CLDN7: variants seen among roughly 807,000 people sequenced by gnomAD.
The protein encoded by CLDN7 is claudin 7.
In CLDN7, 15 loss-of-function variants were observed where a neutral mutation model predicts 20.3. The observed-to-expected ratio is 0.74, with a 90% CI of 0.49 to 1.14. The LOEUF (loss-of-function observed/expected upper bound fraction) is 1.14. Ranked by LOEUF, CLDN7 falls within the 50% of genes most tolerant of loss-of-function variation. The pLI is 0.00. For synonymous variants in CLDN7, 117 were observed against 106.1 expected (o/e 1.10, Z -0.63); for missense variants, 261 against 274.2 (o/e 0.95, Z 0.34).
In CLDN7 at chr17:7,262,241, T is replaced by C; in HGVS notation, c.-198A>G. On this transcript the variant is annotated 5_prime_UTR_variant, in exon 1 of 4. Coordinates refer to ENST00000360325, the MANE Select transcript of CLDN7 (RefSeq NM_001307.6). This position sits in a 1 kb window ranked among gnomAD's most constrained non-coding sequence, Gnocchi z 6.6. ...CAAATCGACCCCTCCAGTGAAGCGA[T>C]GGCCTCGCGGCACAGGGAGTAGGAT... The C allele has an allele frequency of 7.0e-7, 1 of 1,426,442 alleles. No homozygotes were observed. Among genetic ancestry groups the C allele is most frequent in the Non-Finnish European group, 9.1e-7 (1 of 1,095,040 alleles). 88.4% of individuals were successfully genotyped at this position (1,426,442 alleles called of 1,614,324 possible).
chr17:7,261,153 C>A, intron 1 of CLDN7, 168 bp from the exon 2 acceptor site: 1 of 858,782 alleles, frequency 1.2e-6, no homozygotes, highest in Non-Finnish European at 1.7e-6. Context: ...CGGGCAGGTC[C>A]CCGCCCCTCC....
At chr17:7,261,327 C>T (rs552137057) in intron 1 of CLDN7, among the ~76,000 whole-genome samples, 95 of 152,330 alleles carry the variant, frequency 6.2e-4, no homozygotes, top group African/African-American at 2.2e-3. Flanking sequence ...CACATGCCAG[C>T]CGGCGTCCCT....
In CLDN7 at chr17:7,260,180, C is replaced by A; in HGVS notation, c.*194G>T. On this transcript the variant is annotated 3_prime_UTR_variant, in exon 4 of 4. Coordinates refer to ENST00000360325, the MANE Select transcript of CLDN7 (RefSeq NM_001307.6). ...TTTATTACTGTACAAAAAGCACACT[C>A]TCCCTCTTTTTGTCTCTCCCACCAA... 1 of 529,044 alleles carries A rather than the reference C, an allele frequency of 1.9e-6. No homozygotes were observed. Among genetic ancestry groups the A allele is most frequent in the Non-Finnish European group, 3.3e-6 (1 of 306,942 alleles). 32.8% of individuals were successfully genotyped at this position (529,044 alleles called of 1,614,324 possible).
chr17:7,262,653 A>T (rs1408080023), upstream of CLDN7: 1 of 152,990 alleles, frequency 6.5e-6, no homozygotes, highest in East Asian at 1.9e-4. This position sits in a 1 kb window ranked among gnomAD's most constrained non-coding sequence, Gnocchi z 6.6. Context: ...TGCCCAGGTG[A>T]GGAGGAAGAA....
chr17:7,261,357 G>C (rs1027087237), intron 1 of CLDN7, among the ~76,000 whole-genome samples: 9 of 152,190 alleles, frequency 5.9e-5, no homozygotes, highest in Non-Finnish European at 1.3e-4. Flanking sequence ...CCGCTATCGA[G>C]GCCACCGGGT....
rs539473637 is a variant in CLDN7, at chr17:7,261,743, G to C, written c.223+78C>G. 7.3e-6 allele frequency: 11 copies of C among 1,500,640 alleles called. No individual in the cohort carries two copies. The East Asian group carries it at 2.6e-4, about 36-fold the overall frequency. 93.0% of individuals were successfully genotyped at this position (1,500,640 alleles called of 1,614,324 possible). ...CGGCAACCCAGGGCCCCCAGCCGTG[G>C]GGCCTCGGCTCTCCCACGCGCGCCA... On this transcript the variant is annotated intron_variant, in intron 1 of 3. Transcript: ENST00000360325.
At position 7,262,454 on chromosome 17, in the gene CLDN7, C is replaced by G. The variant is rs1597591379; in HGVS notation, c.-411G>C. ...GCTGCGGTGCGCAGCAGAGGTGGCT[C>G]GGAGGTGAGCCAGCAGGTGCGGGCG... On this transcript the variant is annotated 5_prime_UTR_variant, in exon 1 of 4. Coordinates refer to ENST00000360325, the MANE Select transcript of CLDN7 (RefSeq NM_001307.6). The surrounding 1 kb of genome is among the most constrained non-coding windows in gnomAD (Gnocchi z 6.6). 4.0e-6 allele frequency: 4 copies of G among 1,012,366 alleles called. No individual in the cohort carries two copies. Among genetic ancestry groups the G allele is most frequent in the Non-Finnish European group, 4.7e-6 (4 of 842,308 alleles). The allele number at this position is 1,012,366 out of a possible 1,614,324, so 62.7% of individuals were successfully genotyped here. A position where few individuals can be genotyped will look rare whatever the true frequency, so the allele number is the denominator to read the frequency against.
intron 1 of CLDN7, among the ~76,000 whole-genome samples, chr17:7,261,527 G>A (rs900730662): frequency 3.3e-5 from 5 of 152,152 alleles, no homozygotes; most frequent in African/African-American, 4.8e-5. Context: ...GCCATGGCCT[G>A]CCCGGGAATG....
intron 1 of CLDN7, 127 bp from the exon 2 acceptor site, chr17:7,261,112 G>A: frequency 1.5e-6 from 2 of 1,322,624 alleles, no homozygotes; most frequent in South Asian, 1.5e-5. Flanking sequence ...CGAGGGCCAG[G>A]GGCGCCCAGG....
chr17:7,261,825 C>G lies in CLDN7; in HGVS notation c.219G>C (p.Leu73=). 1 of 1,612,658 alleles carries G rather than the reference C, an allele frequency of 6.2e-7. No individual in the cohort carries two copies. The highest frequency in any genetic ancestry group is 8.5e-7 in the Non-Finnish European group (1 of 1,180,000). ...SCKMYDSVLA[L]SAALQATRAL... ...CCGTCGGTCCCGCGGCCTTACCGGA[C>G]AGGGCGAGCACCGAGTCGTACATTT... The change falls in exon 1 of 4, where the codon CTG becomes CTC. Residue 73 remains leucine (L), a synonymous_variant. Coordinates refer to ENST00000360325, the MANE Select transcript of CLDN7 (RefSeq NM_001307.6).
At chr17:7,260,612 C>T (rs1359092444) in intron 3 of CLDN7, 30 bp downstream of exon 3, 1 of 1,613,952 alleles carries the variant, frequency 6.2e-7, no homozygotes, top group Admixed American at 1.7e-5. Context: ...CCAGACCTGT[C>T]CCCTTAGGAG....
In CLDN7 at chr17:7,260,126, GA is replaced by G; in HGVS notation, c.*247del. 1.5e-5 allele frequency: 6 copies of G among 394,008 alleles called. No individual in the cohort carries two copies. The highest frequency in any genetic ancestry group is 4.1e-5 in the African/African-American group (2 of 48,630). The allele number at this position is 394,008 out of a possible 1,614,324, so 24.4% of individuals were successfully genotyped here. On this transcript the variant is annotated 3_prime_UTR_variant, in exon 4 of 4. Coordinates refer to ENST00000360325, the MANE Select transcript of CLDN7 (RefSeq NM_001307.6). ...GGGAGGAAAGCAGAGGCCCTGAAGG[GA>G]AAAAAGCCTGCTTCCCAATACTTAT...
rs750216913 is a variant in CLDN7, at chr17:7,260,805, G to A, written c.388+16C>T. On this transcript the variant is annotated intron_variant, in intron 2 of 3. Transcript: ENST00000360325. ...CCAGCCTTGCTCCTCCCAGATGGGA[G>A]AACCCGGGGGCTCACCTGCCACGAT... 2 of 1,614,240 alleles carry A rather than the reference G, an allele frequency of 1.2e-6. No homozygotes were observed. The highest frequency in any genetic ancestry group is 2.2e-5 in the South Asian group (2 of 91,092).
Position 7,262,157 on chromosome 17 carries a change from C to A in CLDN7, c.-114G>T. 1 of 1,467,124 alleles carries A rather than the reference C, an allele frequency of 6.8e-7. No individual in the cohort carries two copies. The highest frequency in any genetic ancestry group is 9.0e-7 in the Non-Finnish European group (1 of 1,113,714). 90.9% of individuals were successfully genotyped at this position (1,467,124 alleles called of 1,614,324 possible). ...ACTTGAGGTGGAGTTTTCCGGTCACCCAAAGAGACAAAAAGGGTTTGGGCC... is the reference window on the plus strand; with the variant it reads ...ACTTGAGGTGGAGTTTTCCGGTCACACAAAGAGACAAAAAGGGTTTGGGCC... On this transcript the variant is annotated 5_prime_UTR_variant, in exon 1 of 4. Coordinates refer to ENST00000360325, the MANE Select transcript of CLDN7 (RefSeq NM_001307.6). This position sits in a 1 kb window ranked among gnomAD's most constrained non-coding sequence, Gnocchi z 6.6.
At position 7,260,970 on chromosome 17, in the gene CLDN7, G is replaced by C. The variant is rs1352028474; in HGVS notation, c.239C>G (p.Thr80Ser). 1 of 1,612,340 alleles carries C rather than the reference G, an allele frequency of 6.2e-7. No homozygotes were observed. The highest frequency in any genetic ancestry group is 2.2e-5 in the East Asian group (1 of 44,880). ...VLALSAALQA[T>S]RALMVVSLVL... ...CAGGGAGACCACCATTAGGGCTCGA[G>C]TGGCCTGCAAGGCCGCTGCGGGCGA... The change falls in exon 2 of 4, where the codon ACT (threonine) becomes AGT (serine). Residue 80 changes from threonine to serine, a missense_variant. This residue lies in a region of CLDN7 where 215 missense variants were observed against 199.6 expected (regional missense o/e 1.08). Transcript: ENST00000360325.
At chr17:7,261,091 C>T (rs867519822) in intron 1 of CLDN7, 106 bp from the exon 2 acceptor site, 30 of 1,426,180 alleles carry the variant, frequency 2.1e-5, no homozygotes, top group East Asian at 7.4e-5. Flanking sequence ...CTGTCCGGCG[C>T]CGTGTTCTGC....
chr17:7,263,164 TC>T (rs2072249592), upstream of CLDN7: 1 of 169,456 alleles, frequency 5.9e-6, no homozygotes, highest in Non-Finnish European at 1.5e-5. Context: ...CCTACCACTG[TC>T]CCCTCCGGCA....
At position 7,260,462 on chromosome 17, in the gene CLDN7, G is replaced by A. The variant is rs1420752858; in HGVS notation, c.548C>T (p.Ser183Phe). The A allele has an allele frequency of 1.9e-6, 3 of 1,613,852 alleles. No homozygotes were observed. The highest frequency in any genetic ancestry group is 2.2e-5 in the South Asian group (2 of 91,082). ...GCTCTCATTCCCAGGACAGGAACAG[G>A]AGAGCAGTGCACCTCCCAGGATGAC... ...ALVILGGALL[S>F]CSCPGNESKA... Residue 183 changes from serine to phenylalanine, a missense_variant, in exon 4 of 4, where the codon TCC (serine) becomes TTC (phenylalanine). Physicochemically the swap from Ser to Phe is radical, Grantham distance 155. Transcript: ENST00000360325.
chr17:7,262,512 C>T (rs556724330), upstream of CLDN7: 1 of 651,850 alleles, frequency 1.5e-6, no homozygotes, highest in Non-Finnish European at 1.9e-6. This position sits in a 1 kb window ranked among gnomAD's most constrained non-coding sequence, Gnocchi z 6.6. Context: ...ATATGTAGGG[C>T]GTCGGGGGCG....
Sources: allele counts gnomAD v4.1 joint callset (sites outside exome capture counted in the v4.1 genomes callset), GRCh38; gene constraint gnomAD v4.1.1; regional missense constraint gnomAD v4.1.1; non-coding constraint Gnocchi (gnomAD v3.1); transcripts MANE v1.5; gene names NCBI Gene and HGNC (gene_info 2026-07-23, HGNC 2026-07-21).